MYCT1: variants seen among roughly 807,000 people sequenced by gnomAD.
MYCT1 encodes MYC target 1, also known as myc target protein 1.
MYCT1 carries 12 observed loss-of-function variants against 15.0 expected under a neutral mutation model. The observed-to-expected ratio is 0.80, with a 90% confidence interval of 0.51 to 1.29. The LOEUF (loss-of-function observed/expected upper bound fraction) is 1.29. Among genes scored for constraint, MYCT1 ranks in the 50% most tolerant of loss-of-function variants. The probability of loss-of-function intolerance (pLI) is 0.00; values close to 1 mark genes in which losing one functional copy is unlikely to be tolerated. For missense variants in MYCT1, 287 were observed against 279.1 expected (o/e 1.03, Z -0.20); for synonymous variants, 104 against 102.7 (o/e 1.01, Z -0.07).
At chr6:152,735,024 G>A in the MYCT1 span, among the ~76,000 whole-genome samples, 1 of 152,160 alleles carries the variant, frequency 6.6e-6, no homozygotes, top group African/African-American at 2.4e-5. Context: ...ATGCTTATGA[G>A]GTAATGCTGC....
intron 1 of MYCT1, among the ~76,000 whole-genome samples, chr6:152,700,336 C>G (rs1175810030): frequency 1.3e-5 from 2 of 151,982 alleles, no homozygotes; most frequent in African/African-American, 2.4e-5. Flanking sequence ...TAAAGAAAAA[C>G]AGCTTAGAAA....
the MYCT1 span, among the ~76,000 whole-genome samples, chr6:152,740,744 A>G: frequency 2.6e-5 from 4 of 152,148 alleles, no homozygotes; most frequent in Non-Finnish European, 5.9e-5. Context: ...AAAAGGACGA[A>G]TATTTTTTAC....
chr6:152,706,109 T>C (rs749772906), intron 1 of MYCT1: 67 of 1,531,512 alleles, frequency 4.4e-5, no homozygotes, highest in Non-Finnish European at 5.8e-5. Flanking sequence ...GGAGGTGGTA[T>C]GAGAGGTGGC....
chr6:152,727,494 G>C (rs2099725865), downstream of MYCT1, among the ~76,000 whole-genome samples: 1 of 152,206 alleles, frequency 6.6e-6, no homozygotes, highest in Non-Finnish European at 1.5e-5. Context: ...AACCACAGAA[G>C]AGCTTAGAAT....
chr6:152,746,682 T>C, the MYCT1 span, among the ~76,000 whole-genome samples: 7 of 152,240 alleles, frequency 4.6e-5, no homozygotes, highest in Non-Finnish European at 7.3e-5. Flanking sequence ...CATCTTAGTA[T>C]TGTGTGTTCC....
At chr6:152,741,563 T>A in the MYCT1 span, among the ~76,000 whole-genome samples, 1 of 152,014 alleles carries the variant, frequency 6.6e-6, no homozygotes, top group African/African-American at 2.4e-5. Flanking sequence ...CTGTAGAAAA[T>A]ATTATCACAA....
intron 1 of MYCT1, among the ~76,000 whole-genome samples, chr6:152,701,606 G>A (rs1198606073): frequency 6.6e-6 from 1 of 151,686 alleles, no homozygotes; most frequent in Non-Finnish European, 1.5e-5. Context: ...TATATATTCT[G>A]TGTATTGGAG....
chr6:152,735,855 A>G, the MYCT1 span, among the ~76,000 whole-genome samples: 25 of 152,232 alleles, frequency 1.6e-4, no homozygotes, highest in African/African-American at 5.8e-4. Context: ...CTTACTTTGA[A>G]TGAAATTGAA....
At chr6:152,719,355 C>A (rs2099724285) in intron 1 of MYCT1, among the ~76,000 whole-genome samples, 2 of 152,142 alleles carry the variant, frequency 1.3e-5, no homozygotes, top group South Asian at 4.2e-4. Flanking sequence ...TATTTTCTTA[C>A]CTTACACTTA....
At chr6:152,716,981 C>CT (rs945578326) in intron 1 of MYCT1, among the ~76,000 whole-genome samples, 7 of 151,582 alleles carry the variant, frequency 4.6e-5, no homozygotes, top group Non-Finnish European at 7.4e-5. Flanking sequence ...TTGCCAATGT[C>CT]TTTTTTTTCA....
At chr6:152,706,842 CATAT>C (rs1409126596) in intron 1 of MYCT1, among the ~76,000 whole-genome samples, 1 of 122,282 alleles carries the variant, frequency 8.2e-6, no homozygotes, top group South Asian at 2.9e-4. Context: ...TTATAGAAAC[CATAT>C]ATGTGTGTGT....
intron 1 of MYCT1, among the ~76,000 whole-genome samples, chr6:152,715,974 G>C (rs2099723586): frequency 3.3e-5 from 5 of 152,150 alleles, no homozygotes; most frequent in Admixed American, 3.3e-4. Flanking sequence ...GGAGGATTTA[G>C]AACAGAAGAT....
the MYCT1 span, among the ~76,000 whole-genome samples, chr6:152,738,833 T>A: frequency 6.6e-6 from 1 of 152,098 alleles, no homozygotes; most frequent in East Asian, 1.9e-4. Context: ...AATTAACATG[T>A]CAGAACAAAA....
At chr6:152,736,963 G>A in the MYCT1 span, among the ~76,000 whole-genome samples, 1 of 152,246 alleles carries the variant, frequency 6.6e-6, no homozygotes, top group East Asian at 1.9e-4. Flanking sequence ...AACAGAAAAT[G>A]ATGTTGTGAG....
chr6:152,738,190 A>G, the MYCT1 span, among the ~76,000 whole-genome samples: 1 of 152,228 alleles, frequency 6.6e-6, no homozygotes, highest in Non-Finnish European at 1.5e-5. Context: ...ATGTCAAGGA[A>G]AAACAGCATT....
the MYCT1 span, among the ~76,000 whole-genome samples, chr6:152,738,439 T>G: frequency 6.6e-6 from 1 of 152,140 alleles, no homozygotes. Flanking sequence ...CAGTGAATTT[T>G]GCCAATTCCT....
chr6:152,701,672 G>A (rs2099721346), intron 1 of MYCT1, among the ~76,000 whole-genome samples: 1 of 152,132 alleles, frequency 6.6e-6, no homozygotes, highest in Non-Finnish European at 1.5e-5. Context: ...CTACTGACAT[G>A]TATTTCTCAT....
the MYCT1 span, among the ~76,000 whole-genome samples, chr6:152,746,475 T>A: frequency 1.3e-5 from 2 of 152,150 alleles, no homozygotes; most frequent in Non-Finnish European, 2.9e-5. Flanking sequence ...TTAAAGCAAA[T>A]AAATGGTTTA....
chr6:152,745,626 C>T, the MYCT1 span, among the ~76,000 whole-genome samples: 7 of 152,108 alleles, frequency 4.6e-5, no homozygotes, highest in African/African-American at 1.7e-4. Flanking sequence ...AAGCTTCTGA[C>T]AGAGCAATGT....
Sources: allele counts gnomAD v4.1 joint callset (sites outside exome capture counted in the v4.1 genomes callset), GRCh38; gene constraint gnomAD v4.1.1; transcripts MANE v1.5; gene names NCBI Gene and HGNC (gene_info 2026-07-23, HGNC 2026-07-21).